The following AOPEP variants were observed in gnomAD, a reference collection of about 807,000 sequenced individuals.
The protein encoded by AOPEP is aminopeptidase O (putative).
In AOPEP, 77 loss-of-function variants were observed where a neutral mutation model predicts 98.1. The observed-to-expected ratio is 0.78, with a 90% CI of 0.65 to 0.95. The LOEUF (loss-of-function observed/expected upper bound fraction) is 0.95. Among genes scored for constraint, AOPEP ranks in the 40% least tolerant of loss-of-function variants. AOPEP has a pLI of 0.00. For missense variants in AOPEP, 1,024 were observed against 1,024.7 expected (o/e 1.00, Z 0.01); for synonymous variants, 346 against 365.3 (o/e 0.95, Z 0.60).
chr9:95,123,794 C>T, the AOPEP span: 1 of 697,308 alleles, frequency 1.4e-6, no homozygotes, highest in Middle Eastern at 3.8e-4. Flanking sequence ...TTGTGAAGCC[C>T]ACAAGGACTG....
At chr9:95,043,032 G>A (rs1230891275) in intron 13 of AOPEP, among the ~76,000 whole-genome samples, 2 of 151,848 alleles carry the variant, frequency 1.3e-5, no homozygotes, top group South Asian at 2.1e-4. Flanking sequence ...CAGCACTTTG[G>A]GAGATCAAGG....
At chr9:95,000,436 G>A (rs1475297569) in intron 11 of AOPEP, among the ~76,000 whole-genome samples, 1 of 152,078 alleles carries the variant, frequency 6.6e-6, no homozygotes, top group South Asian at 2.1e-4. Context: ...GGCCGGTCAC[G>A]GTGGCTCACG....
At chr9:94,768,976 A>G (rs1222511802) in intron 2 of AOPEP, among the ~76,000 whole-genome samples, 9 of 152,242 alleles carry the variant, frequency 5.9e-5, no homozygotes, top group South Asian at 4.1e-4. Context: ...ATTTATTTCT[A>G]TGTTTACACA....
chr9:94,791,054 A>G (rs1043306507), intron 3 of AOPEP, among the ~76,000 whole-genome samples: 1 of 152,098 alleles, frequency 6.6e-6, no homozygotes, highest in African/African-American at 2.4e-5. Context: ...CCATAATATA[A>G]AGTGATATCC....
chr9:94,764,278 C>T (rs552519730), intron 2 of AOPEP, among the ~76,000 whole-genome samples: 62 of 152,258 alleles, frequency 4.1e-4, no homozygotes, highest in African/African-American at 1.3e-3. Context: ...CTTCTGAAAA[C>T]GAATAAGGTC....
intron 5 of AOPEP, among the ~76,000 whole-genome samples, chr9:94,916,927 A>C (rs1021525162): frequency 2.0e-5 from 3 of 152,204 alleles, no homozygotes; most frequent in African/African-American, 7.2e-5. Flanking sequence ...GTACTGTCAC[A>C]TTGAGAGAGG....
chr9:94,898,595 G>T (rs2049911025), intron 5 of AOPEP, among the ~76,000 whole-genome samples: 1 of 148,748 alleles, frequency 6.7e-6, no homozygotes, highest in South Asian at 2.1e-4. Context: ...TCGCGCCATT[G>T]CACTCCAGCC....
chr9:94,983,803 C>A (rs1395066695), intron 11 of AOPEP, among the ~76,000 whole-genome samples: 1 of 152,118 alleles, frequency 6.6e-6, no homozygotes, highest in East Asian at 1.9e-4. Context: ...TACATCACAA[C>A]CTGCCTTACA....
intron 5 of AOPEP, among the ~76,000 whole-genome samples, chr9:94,826,748 A>AT (rs1440447432): frequency 6.6e-6 from 1 of 151,988 alleles, no homozygotes; most frequent in Non-Finnish European, 1.5e-5. Context: ...GAGAAGAGGT[A>AT]TTGGTCATGG....
At chr9:95,132,225 A>C in the AOPEP span, among the ~76,000 whole-genome samples, 2 of 152,224 alleles carry the variant, frequency 1.3e-5, no homozygotes, top group Admixed American at 1.3e-4. Flanking sequence ...GCAGCTTGCC[A>C]GCCAAGCACA....
At position 94,982,564 on chromosome 9, in the gene AOPEP, A is replaced by AATTTT. The variant is rs1564480333; in HGVS notation, c.1977+3137_1977+3138insATTTT. Among the ~76,000 whole-genome samples the AATTTT allele has an allele frequency of 3.1e-3, 432 of 140,050 alleles. 6 individuals are homozygous for AATTTT. The highest frequency in any genetic ancestry group is 0.012 in the African/African-American group (416 of 34,824). 91.9% of individuals were successfully genotyped at this position (140,050 alleles called of 152,430 possible). A position where few individuals can be genotyped will look rare whatever the true frequency, so the allele number is the denominator to read the frequency against. On this transcript the variant is annotated intron_variant, in intron 11 of 16. Transcript: ENST00000375315. ...TCCCTTAATATAATTCAAGAGCAAT[A>AATTTT]CTTTTTTTTTTTTTTTTTTTTGGAG...
chr9:94,811,240 T>C (rs1850515235), intron 5 of AOPEP, among the ~76,000 whole-genome samples: 1 of 152,168 alleles, frequency 6.6e-6, no homozygotes, highest in Non-Finnish European at 1.5e-5. Flanking sequence ...CAGTCAGTTT[T>C]AAATGACTTG....
intron 11 of AOPEP, among the ~76,000 whole-genome samples, chr9:94,982,840 T>A (rs1014827160): frequency 7.2e-5 from 11 of 152,198 alleles, no homozygotes; most frequent in Non-Finnish European, 1.2e-4. Context: ...ATTTTGGATT[T>A]TTTTTCATGT....
the AOPEP span, chr9:95,113,603 G>C: frequency 6.6e-6 from 1 of 150,980 alleles, no homozygotes; most frequent in African/African-American, 2.4e-5. Context: ...AAGCAATACA[G>C]CAAGACCTCT....
At chr9:94,766,509 C>T (rs989935872) in intron 2 of AOPEP, among the ~76,000 whole-genome samples, 1 of 152,226 alleles carries the variant, frequency 6.6e-6, no homozygotes, top group Non-Finnish European at 1.5e-5. Context: ...TGCACTCCAG[C>T]CTGGGCGACA....
chr9:94,814,372 C>T lies in AOPEP; in HGVS notation c.1364+13370C>T, dbSNP rs564606639. ...GGTTTCCTGGGCTTAGGATGTACCC[C>T]AGGTATTTAATTTTTGGTTTTAGAA... On this transcript the variant is annotated intron_variant, in intron 5 of 16. Coordinates refer to ENST00000375315, the MANE Select transcript of AOPEP (RefSeq NM_001193329.3). Among the ~76,000 whole-genome samples the T allele has an allele frequency of 3.9e-5, 6 of 152,302 alleles. No homozygotes were observed. In the South Asian group the frequency reaches 1.2e-3, roughly 32 times the overall value.
At chr9:95,080,804 G>A (rs778559907) in intron 15 of AOPEP, 24 bp downstream of exon 15, 26 of 1,525,200 alleles carry the variant, frequency 1.7e-5, no homozygotes, top group Admixed American at 1.2e-4. Flanking sequence ...TTCAGCAGAT[G>A]GGGATTCTGT....
intron 7 of AOPEP, chr9:94,931,685 A>C (rs1564401548): frequency 7.2e-7 from 1 of 1,391,134 alleles, no homozygotes; most frequent in Non-Finnish European, 1.0e-6. Flanking sequence ...GGCCATAACA[A>C]CGTAAAAATC....
chr9:95,033,611 G>C (rs537800898), intron 13 of AOPEP, among the ~76,000 whole-genome samples: 2 of 152,160 alleles, frequency 1.3e-5, no homozygotes, highest in African/African-American at 4.8e-5. Flanking sequence ...AAATGAAGTA[G>C]TAGGTTAATT....
Sources: gnomAD v4.1 joint callset for allele counts (sites outside exome capture counted in the v4.1 genomes callset) on GRCh38, gnomAD v4.1.1 for gene constraint, MANE v1.5 for transcripts, NCBI Gene and HGNC (gene_info 2026-07-23, HGNC 2026-07-21) for gene names.